Variants in TOP1MT observed in about 807,000 individuals in gnomAD.
The protein encoded by TOP1MT is DNA topoisomerase I, mitochondrial.
Under a neutral mutation model 73.9 loss-of-function variants are expected in TOP1MT, and 80 were observed. That is an observed-to-expected ratio of 1.08 (90% CI 0.90 to 1.30). TOP1MT has a LOEUF of 1.30. Among genes scored for constraint, TOP1MT ranks in the 50% most tolerant of loss-of-function variants. The pLI is 0.00. For missense variants in TOP1MT, 815 were observed against 808.0 expected (o/e 1.01, Z -0.10); for synonymous variants, 338 against 326.4 (o/e 1.04, Z -0.38).
upstream of TOP1MT, chr8:143,359,505 G>T: frequency 2.3e-6 from 2 of 888,578 alleles, no homozygotes; most frequent in Non-Finnish European, 2.7e-6. Flanking sequence ...CAGGGCCCAA[G>T]CAGAAAGTCA....
In TOP1MT at chr8:143,321,844, C is replaced by CACACGCCACACACACAG. The variant is rs1491335517; in HGVS notation, c.961-459_961-458insCTGTGTGTGTGGCGTGT. Among the ~76,000 whole-genome samples the CACACGCCACACACACAG allele has an allele frequency of 4.8e-5, 5 of 103,776 alleles. 1 individual carries two copies. Among genetic ancestry groups the CACACGCCACACACACAG allele is most frequent in the Non-Finnish European group, 7.7e-5 (4 of 51,792 alleles). The allele number at this position is 103,776 out of a possible 152,430, so 68.1% of individuals were successfully genotyped here. On this transcript the variant is annotated intron_variant, in intron 7 of 13. Transcript: ENST00000329245. The stretch of plus-strand genomic sequence containing the variant: ...ACGCACGCTACACACACACGCCACA[C>CACACGCCACACACACAG]GCACGCCACACACGCATGCCACACG...
At position 143,310,211 on chromosome 8, in the gene TOP1MT, C is replaced by T; in HGVS notation, c.1560G>A (p.Leu520=). 6.4e-7 allele frequency: 1 copy of T among 1,564,468 alleles called. No homozygotes were observed. Among genetic ancestry groups the T allele is most frequent in the Non-Finnish European group, 8.6e-7 (1 of 1,156,450 alleles). The part of the protein sequence containing the change: ...AQGDGKSRSV[L]EKKRRLLEKL... ...TCTCCAGGAGCCGCCTCTTCTTCTC[C>T]AGGACACTGGCAAGAGAAGAGGAGG... Residue 520 remains leucine (L), a synonymous_variant, in exon 13 of 14, where the codon CTG becomes CTA. Coordinates refer to ENST00000329245, the MANE Select transcript of TOP1MT (RefSeq NM_052963.3).
intron 1 of TOP1MT, among the ~76,000 whole-genome samples, chr8:143,351,303 T>C (rs754429952): frequency 6.6e-6 from 1 of 152,222 alleles, no homozygotes; most frequent in Non-Finnish European, 1.5e-5. Flanking sequence ...CCAGGTGCGG[T>C]GGCTCAGGCC....
chr8:143,319,514 G>A (rs1408023000), intron 8 of TOP1MT, among the ~76,000 whole-genome samples: 6 of 150,628 alleles, frequency 4.0e-5, no homozygotes, highest in South Asian at 4.3e-4. Flanking sequence ...TCTGTCCAAC[G>A]TCACTGCGAC....
intron 2 of TOP1MT, among the ~76,000 whole-genome samples, chr8:143,330,234 C>T (rs929773114): frequency 1.3e-4 from 20 of 152,240 alleles, no homozygotes; most frequent in African/African-American, 4.8e-4. Flanking sequence ...CACTGGGCCC[C>T]ACGCGACACC....
intron 1 of TOP1MT, chr8:143,332,636 G>A: frequency 2.5e-6 from 3 of 1,189,244 alleles, no homozygotes; most frequent in Non-Finnish European, 3.3e-6. Flanking sequence ...AGACATTTCT[G>A]AAAGGGCCTT....
upstream of TOP1MT, among the ~76,000 whole-genome samples, chr8:143,348,171 C>T (rs71520507): frequency 0.11 from 16,693 of 152,220 alleles, 1,018 homozygotes; most frequent in African/African-American, 0.17. This position sits in a 1 kb window ranked among gnomAD's most constrained non-coding sequence, Gnocchi z 4.6. Context: ...AACCCAGGCC[C>T]GCCCCATCCA....
At chr8:143,347,445 G>A (rs888146689), upstream of TOP1MT, among the ~76,000 whole-genome samples, 77 of 152,006 alleles carry the variant, frequency 5.1e-4, no homozygotes, top group African/African-American at 1.6e-3. Flanking sequence ...ATGAGCCACC[G>A]CACCCAGCTA....
At chr8:143,349,923 G>A (rs1410806106), upstream of TOP1MT, among the ~76,000 whole-genome samples, 1 of 152,066 alleles carries the variant, frequency 6.6e-6, no homozygotes, top group Non-Finnish European at 1.5e-5. Flanking sequence ...TTACAGGCAC[G>A]AGCCACCGTG....
chr8:143,356,539 G>C (rs1384529027), upstream of TOP1MT, among the ~76,000 whole-genome samples: 1 of 152,182 alleles, frequency 6.6e-6, no homozygotes, highest in Non-Finnish European at 1.5e-5. Flanking sequence ...TGTAATCCCA[G>C]CACTACGGGA....
At chr8:143,324,252 C>T (rs919914792) in intron 6 of TOP1MT, 110 bp from the exon 7 acceptor site, 6 of 1,481,402 alleles carry the variant, frequency 4.1e-6, no homozygotes, top group East Asian at 2.3e-5. Flanking sequence ...TCAGTGGTGC[C>T]GTGGTCAGGG....
intron 1 of TOP1MT, chr8:143,355,465 T>C (rs1227894767): frequency 6.6e-6 from 1 of 152,164 alleles, no homozygotes; most frequent in East Asian, 1.9e-4. Context: ...TTTACATGAT[T>C]ATCTGACACA....
At chr8:143,359,927 C>T (rs973316022), upstream of TOP1MT, 1 of 152,370 alleles carries the variant, frequency 6.6e-6, no homozygotes, top group African/African-American at 2.4e-5. Context: ...CACGGCTCCC[C>T]CGGACCCCGC....
At chr8:143,320,922 G>C (rs981352865) in intron 8 of TOP1MT, among the ~76,000 whole-genome samples, 1 of 152,212 alleles carries the variant, frequency 6.6e-6, no homozygotes, top group Non-Finnish European at 1.5e-5. Context: ...TCCTCCAGCA[G>C]CCCTGGGAGA....
chr8:143,359,450 C>G (rs1256163495), upstream of TOP1MT: 8 of 985,064 alleles, frequency 8.1e-6, no homozygotes, highest in Non-Finnish European at 9.6e-6. Flanking sequence ...CGGCCGTTTC[C>G]AGACCCTTTT....
In TOP1MT at chr8:143,341,218, CTT is replaced by C. The variant is rs890537825; in HGVS notation, c.29+2000_29+2001del. 2.7e-5 allele frequency among the ~76,000 whole-genome samples: 4 copies of C among 150,666 alleles called. No individual in the cohort carries two copies. Among genetic ancestry groups the C allele is most frequent in the African/African-American group, 7.3e-5 (3 of 41,034 alleles). On this transcript the variant is annotated intron_variant, in intron 2 of 5. Coordinates refer to the TOP1MT transcript ENST00000518007. The surrounding 1 kb of genome is among the most constrained non-coding windows in gnomAD (Gnocchi z 4.1). ...TTTCTCCCCTTTCTCTTCGGATATT[CTT>C]TTTTTTTTCTCAGTTTGTGCCTCTC...
intron 12 of TOP1MT, among the ~76,000 whole-genome samples, chr8:143,313,295 A>G (rs1047302260): frequency 2.0e-5 from 3 of 152,194 alleles, no homozygotes; most frequent in African/African-American, 7.2e-5. Flanking sequence ...TCACACCTGT[A>G]ATCCCAGCAC....
At chr8:143,350,936 G>A (rs1817309175) in intron 1 of TOP1MT, among the ~76,000 whole-genome samples, 1 of 151,970 alleles carries the variant, frequency 6.6e-6, no homozygotes, top group Non-Finnish European at 1.5e-5. Flanking sequence ...CTTCGACCAG[G>A]CCCTGACCTT....
chr8:143,332,717 A>C (rs1334599604), intron 1 of TOP1MT: 3 of 508,532 alleles, frequency 5.9e-6, no homozygotes, highest in Non-Finnish European at 1.0e-5. Context: ...TAAAGTAGGG[A>C]GAAGTTAACG....
Sources: allele counts gnomAD v4.1 joint callset (sites outside exome capture counted in the v4.1 genomes callset), GRCh38; gene constraint gnomAD v4.1.1; non-coding constraint Gnocchi (gnomAD v3.1); transcripts MANE v1.5; gene names NCBI Gene and HGNC (gene_info 2026-07-23, HGNC 2026-07-21).